Variants in COL21A1 observed in about 807,000 individuals in gnomAD.
The protein encoded by COL21A1 is collagen type XXI alpha 1 chain.
In COL21A1, 149 loss-of-function variants were observed where a neutral mutation model predicts 137.9. The observed-to-expected ratio is 1.08, with a 90% confidence interval of 0.95 to 1.24. The LOEUF (loss-of-function observed/expected upper bound fraction) is 1.24. Ranked by LOEUF, COL21A1 falls within the 50% of genes most tolerant of loss-of-function variation. The pLI is 0.00. For missense variants in COL21A1, 1,167 were observed against 1,158.4 expected (o/e 1.01, Z -0.11); for synonymous variants, 456 against 391.5 (o/e 1.16, Z -1.95).
rs570303489 is a variant in COL21A1 at position 56,329,029 on chromosome 6, C to T, written c.-39+64942G>A. Among the ~76,000 whole-genome samples, 112 of 152,148 alleles carry T rather than the reference C, an allele frequency of 7.4e-4. 1 individual carries two copies. Among genetic ancestry groups the T allele is most frequent in the African/African-American group, 2.6e-3 (106 of 41,532 alleles). Reference sequence around the variant, plus strand: ...TGGATTCAAATCCCAACTTGGCACACGGGTTGTGTGACCACAGGGCAAGCA... The same window carrying T: ...TGGATTCAAATCCCAACTTGGCACATGGGTTGTGTGACCACAGGGCAAGCA... On this transcript the variant is annotated intron_variant, in intron 1 of 28. Transcript: ENST00000370819.
At chr6:56,176,045 T>G (rs1323364126) in intron 3 of COL21A1, among the ~76,000 whole-genome samples, 1 of 152,066 alleles carries the variant, frequency 6.6e-6, no homozygotes, top group Non-Finnish European at 1.5e-5. Flanking sequence ...ATCTCTTCAA[T>G]CAATAGTGCT....
chr6:56,171,855 G>C (rs964444743), intron 3 of COL21A1, among the ~76,000 whole-genome samples: 2 of 151,728 alleles, frequency 1.3e-5, no homozygotes, highest in African/African-American at 4.8e-5. Context: ...ATATACTTTA[G>C]CTGAAGTATA....
At chr6:56,386,526 A>G (rs1041753352) in intron 1 of COL21A1, among the ~76,000 whole-genome samples, 6 of 152,126 alleles carry the variant, frequency 3.9e-5, no homozygotes, top group Admixed American at 1.3e-4. Flanking sequence ...CAGCAGCTTT[A>G]CCATTTTACA....
intron 17 of COL21A1, among the ~76,000 whole-genome samples, chr6:56,092,352 C>G (rs1016699307): frequency 1.1e-4 from 16 of 152,034 alleles, no homozygotes; most frequent in African/African-American, 3.6e-4. Context: ...CCATGCAGAT[C>G]CTTTTTTACG....
chr6:56,298,838 A>G (rs1764217162), intron 1 of COL21A1, among the ~76,000 whole-genome samples: 1 of 152,152 alleles, frequency 6.6e-6, no homozygotes, highest in South Asian at 2.1e-4. Context: ...TTCTTATTCA[A>G]TTTAAGAAAT....
intron 16 of COL21A1, among the ~76,000 whole-genome samples, chr6:56,123,553 A>G (rs1043293208): frequency 3.3e-5 from 5 of 152,146 alleles, no homozygotes; most frequent in African/African-American, 9.7e-5. Flanking sequence ...CTCCTTAGGT[A>G]TCCAAATCAG....
rs187080290 is a variant in COL21A1 at position 56,199,283 on chromosome 6, T to C, written c.-38-16627A>G. Among the ~76,000 whole-genome samples the C allele has an allele frequency of 4.9e-3, 736 of 149,848 alleles. 1 individual carries two copies. Among genetic ancestry groups the C allele is most frequent in the Non-Finnish European group, 7.1e-3 (478 of 67,560 alleles). ...GATATAGATGCTACCTTCTCAAATATGGAATTCTGTTTTTTTTTTAATCAA... is the reference window on the plus strand; with the variant it reads ...GATATAGATGCTACCTTCTCAAATACGGAATTCTGTTTTTTTTTTAATCAA... On this transcript the variant is annotated intron_variant, in intron 1 of 29. Transcript: ENST00000244728.
At chr6:56,225,261 A>G (rs1258859144) in intron 1 of COL21A1, among the ~76,000 whole-genome samples, 1 of 152,074 alleles carries the variant, frequency 6.6e-6, no homozygotes, top group African/African-American at 2.4e-5. Context: ...ATTTCTTTAA[A>G]TCTTTTTGAA....
intron 1 of COL21A1, among the ~76,000 whole-genome samples, chr6:56,230,393 T>C (rs1781482923): frequency 6.6e-6 from 1 of 151,962 alleles, no homozygotes; most frequent in South Asian, 2.1e-4. Context: ...GCTAAGAGTA[T>C]AATTACATTT....
intron 1 of COL21A1, among the ~76,000 whole-genome samples, chr6:56,342,700 A>G (rs1289855018): frequency 6.6e-6 from 1 of 152,244 alleles, no homozygotes; most frequent in Admixed American, 6.5e-5. Context: ...GAAATTCAAA[A>G]TTAATCTTGT....
chr6:56,151,713 A>G lies in COL21A1; in HGVS notation c.1434+5174T>C, dbSNP rs1775336543. 2.0e-5 allele frequency among the ~76,000 whole-genome samples: 3 copies of G among 152,302 alleles called. No homozygotes were observed. In the South Asian group the frequency reaches 6.2e-4, roughly 32 times the overall value. ...GGTTGCACAGAAACAAGTCCAAACAAAGCAGAATTCCCTTCAAATTGTTCC... is the reference window on the plus strand; with the variant it reads ...GGTTGCACAGAAACAAGTCCAAACAGAGCAGAATTCCCTTCAAATTGTTCC... On this transcript the variant is annotated intron_variant, in intron 10 of 29. Transcript: ENST00000244728.
chr6:56,120,948 T>G (rs1561886076), intron 16 of COL21A1, among the ~76,000 whole-genome samples: 1 of 152,148 alleles, frequency 6.6e-6, no homozygotes, highest in Non-Finnish European at 1.5e-5. Flanking sequence ...ATGGCTAAGA[T>G]TTGGAAGTCA....
intron 1 of COL21A1, among the ~76,000 whole-genome samples, chr6:56,254,962 T>A (rs1782932794): frequency 6.6e-6 from 1 of 152,218 alleles, no homozygotes; most frequent in Non-Finnish European, 1.5e-5. Flanking sequence ...CCATTTATGA[T>A]CCAACTCACA....
chr6:56,180,119 A>C lies in COL21A1; in HGVS notation c.99T>G (p.Thr33=). ...EDGEVRSSCR[T]APTDLVFILD... ...AGATGAAAACTAAATCTGTCGGAGCAGTACGACAACCTAAGTGCAAAAGAA... is the reference window on the plus strand; with the variant it reads ...AGATGAAAACTAAATCTGTCGGAGCCGTACGACAACCTAAGTGCAAAAGAA... Residue 33 remains threonine (T), a synonymous_variant, in exon 3 of 30, where the codon ACT becomes ACG. Coordinates refer to ENST00000244728, the MANE Select transcript of COL21A1 (RefSeq NM_030820.4). The C allele has an allele frequency of 6.2e-7, 1 of 1,609,660 alleles. No homozygotes were observed. Among genetic ancestry groups the C allele is most frequent in the Non-Finnish European group, 8.5e-7 (1 of 1,178,294 alleles).
intron 1 of COL21A1, among the ~76,000 whole-genome samples, chr6:56,298,136 G>A (rs1366114587): frequency 6.6e-6 from 1 of 151,382 alleles, no homozygotes; most frequent in Non-Finnish European, 1.5e-5. Context: ...ACACATGGTT[G>A]TCACCAAGCA....
chr6:56,204,836 A>C (rs1779656415), intron 1 of COL21A1, among the ~76,000 whole-genome samples: 1 of 152,184 alleles, frequency 6.6e-6, no homozygotes. Context: ...ATCCAGGCAA[A>C]CAGGATCTGG....
At chr6:56,159,797 T>C (rs1776059138) in intron 9 of COL21A1, among the ~76,000 whole-genome samples, 1 of 152,188 alleles carries the variant, frequency 6.6e-6, no homozygotes, top group Admixed American at 6.5e-5. Flanking sequence ...TGACAGGGTT[T>C]AATCTCTATC....
At chr6:56,291,874 C>T (rs1764054504) in intron 1 of COL21A1, among the ~76,000 whole-genome samples, 1 of 152,120 alleles carries the variant, frequency 6.6e-6, no homozygotes, top group South Asian at 2.1e-4. Flanking sequence ...TATCATCTTA[C>T]ATGTAAAGAC....
chr6:56,094,686 A>G (rs1269786933), intron 17 of COL21A1, among the ~76,000 whole-genome samples: 1 of 152,234 alleles, frequency 6.6e-6, no homozygotes, highest in Admixed American at 6.5e-5. Context: ...GTATACACAC[A>G]TATACATGGC....
Sources: gnomAD v4.1 joint callset for allele counts (sites outside exome capture counted in the v4.1 genomes callset) on GRCh38, gnomAD v4.1.1 for gene constraint, MANE v1.5 for transcripts, NCBI Gene and HGNC (gene_info 2026-07-23, HGNC 2026-07-21) for gene names.